WDR59: variants seen among roughly 807,000 people sequenced by gnomAD.
The protein encoded by WDR59 is GATOR2 complex protein WDR59.
WDR59 carries 100 observed loss-of-function variants against 131.2 expected under a neutral mutation model. The ratio of observed to expected loss-of-function variants is 0.76; its 90% CI spans 0.65 to 0.90. The LOEUF is 0.90. WDR59 is among the 40% of genes least tolerant of loss of function. The pLI, the probability that WDR59 is intolerant of heterozygous loss-of-function variation, is 0.00. For missense variants in WDR59, 1,203 were observed against 1,262.2 expected (o/e 0.95, Z 0.71); for synonymous variants, 601 against 466.2 (o/e 1.29, Z -3.72).
In WDR59 at chr16:74,909,366, C is replaced by T. The variant is rs568598381; in HGVS notation, c.1642+135G>A. On this transcript the variant is annotated intron_variant, in intron 16 of 25. Transcript: ENST00000262144. ...ACCGACTGGGCCTCAGACCCTACCACGCTACCATGAAAGTCTCGTTTGAGT... is the reference window on the plus strand; with the variant it reads ...ACCGACTGGGCCTCAGACCCTACCATGCTACCATGAAAGTCTCGTTTGAGT... 67 of 1,169,252 alleles carry T rather than the reference C, an allele frequency of 5.7e-5. No individual in the cohort carries two copies. In the Middle Eastern group the frequency reaches 9.1e-4, roughly 16 times the overall value. 72.4% of individuals were successfully genotyped at this position (1,169,252 alleles called of 1,614,324 possible).
intron 8 of WDR59, among the ~76,000 whole-genome samples, chr16:74,925,539 A>C (rs2030702725): frequency 1.9e-5 from 2 of 105,560 alleles, no homozygotes; most frequent in South Asian, 7.6e-4. Context: ...ACAAGACTCC[A>C]TCTCAAAAAA....
At chr16:74,891,052 T>C (rs143796037) in intron 20 of WDR59, among the ~76,000 whole-genome samples, 1,599 of 147,034 alleles carry the variant, frequency 0.011, 28 homozygotes, top group African/African-American at 0.038. Context: ...AGGCAGAGGT[T>C]GCAGTGAGCC....
chr16:74,909,501 C>G lies in WDR59; in HGVS notation c.1642G>C (p.Gly548Arg). ...RTSGARFCGA[G>R]YLVYFTRPMT... Reference sequence around the variant, plus strand: ...GAATCAAAGAACCAAAGAGACCCACCTGCTCCGCAGAACCTGGCCCCAGAA... The same window carrying G: ...GAATCAAAGAACCAAAGAGACCCACGTGCTCCGCAGAACCTGGCCCCAGAA... The change falls in exon 16 of 26, where the codon GGT becomes CGT. Residue 548 changes from glycine (G) to arginine (R), a missense_variant and splice_region_variant. Transcript: ENST00000262144. The G allele has an allele frequency of 6.4e-7, 1 of 1,563,036 alleles. No individual in the cohort carries two copies. Among genetic ancestry groups the G allele is most frequent in the Non-Finnish European group, 8.6e-7 (1 of 1,157,948 alleles).
chr16:74,895,209 C>A (rs1252390922), intron 18 of WDR59, among the ~76,000 whole-genome samples: 1 of 152,162 alleles, frequency 6.6e-6, no homozygotes, highest in Non-Finnish European at 1.5e-5. Context: ...TGTTTATCAT[C>A]ATTTGTAAAT....
chr16:74,890,482 G>C (rs1017783014), intron 20 of WDR59, among the ~76,000 whole-genome samples: 1 of 152,080 alleles, frequency 6.6e-6, no homozygotes, highest in African/African-American at 2.4e-5. Flanking sequence ...TGTTTCATCA[G>C]TAAGTTGGGT....
Position 74,985,040 on chromosome 16 carries a change from C to T in WDR59, c.-23G>A, listed in dbSNP as rs769673457. The T allele has an allele frequency of 8.5e-5, 133 of 1,558,560 alleles. No homozygotes were observed. The Admixed American group carries it at 2.5e-3, about 29-fold the overall frequency. Reference sequence around the variant, plus strand: ...CATCTCCCCCGCCCGGCCGCCGCGGCCCCAGGACGGCGCCCTCCCACCCCG... The same window carrying T: ...CATCTCCCCCGCCCGGCCGCCGCGGTCCCAGGACGGCGCCCTCCCACCCCG... On this transcript the variant is annotated 5_prime_UTR_variant, in exon 1 of 26. Coordinates refer to ENST00000262144, the MANE Select transcript of WDR59 (RefSeq NM_030581.4).
At position 74,891,526 on chromosome 16, in the gene WDR59, C is replaced by T. The variant is rs116468640; in HGVS notation, c.2082+958G>A. ...ACAATTTAGACGTGTTATTTCCTCA[C>T]TGATAATACACATTTCCTGAATGCC... On this transcript the variant is annotated intron_variant, in intron 20 of 25. Transcript: ENST00000262144. 4.1e-3 allele frequency among the ~76,000 whole-genome samples: 632 copies of T among 152,352 alleles called. 1 individual carries two copies. Among genetic ancestry groups the T allele is most frequent in the African/African-American group, 0.014 (599 of 41,592 alleles).
chr16:74,977,945 T>C (rs953116274), intron 1 of WDR59, among the ~76,000 whole-genome samples: 1 of 152,096 alleles, frequency 6.6e-6, no homozygotes, highest in African/African-American at 2.4e-5. Flanking sequence ...TGGTGGCTCA[T>C]GCCTGTAATC....
Position 74,931,914 on chromosome 16 carries a change from A to C in WDR59, c.651+6236T>G, listed in dbSNP as rs544885288. Among the ~76,000 whole-genome samples the C allele has an allele frequency of 6.6e-5, 10 of 152,170 alleles. No individual in the cohort carries two copies. In the South Asian group the frequency reaches 1.5e-3, roughly 22 times the overall value. On this transcript the variant is annotated intron_variant, in intron 8 of 25. Transcript: ENST00000262144. ...ACTTAGCTATTCCATTACAGTATCA[A>C]GGTAAATATGTTTAATATTTCTTTA... is the stretch of plus-strand genomic sequence containing the variant.
rs556294906 is a variant in WDR59, at chr16:74,951,988, G to GT, written c.241-446dup. On this transcript the variant is annotated intron_variant, in intron 3 of 25. Transcript: ENST00000262144. ...CAGAGTCCACCTACCACAGGTTTTT[G>GT]TTTTTTTTTTTTTCTTGAGATGGGA... 6.6e-3 allele frequency among the ~76,000 whole-genome samples: 940 copies of GT among 142,426 alleles called. 3 individuals are homozygous for GT. Among genetic ancestry groups the GT allele is most frequent in the Non-Finnish European group, 8.2e-3 (529 of 64,698 alleles). 93.4% of individuals were successfully genotyped at this position (142,426 alleles called of 152,430 possible). A position where few individuals can be genotyped will look rare whatever the true frequency, so the allele number is the denominator to read the frequency against.
chr16:74,929,592 T>A (rs539189266), intron 8 of WDR59, among the ~76,000 whole-genome samples: 3 of 152,266 alleles, frequency 2.0e-5, no homozygotes, highest in Non-Finnish European at 2.9e-5. Flanking sequence ...GAATGTAAAT[T>A]AGTACGGCCA....
At chr16:74,944,925 A>G (rs1042014212) in intron 6 of WDR59, among the ~76,000 whole-genome samples, 2 of 152,024 alleles carry the variant, frequency 1.3e-5, no homozygotes, top group Non-Finnish European at 2.9e-5. Flanking sequence ...GGAGTTAGAG[A>G]CCAGCCTGGC....
rs142393116 is a variant in WDR59, at chr16:74,958,648, A to C, written c.105-2038T>G. 9.1e-4 allele frequency among the ~76,000 whole-genome samples: 135 copies of C among 147,994 alleles called. 1 individual carries two copies. The highest frequency in any genetic ancestry group is 3.2e-3 in the African/African-American group (131 of 40,440). The stretch of plus-strand genomic sequence containing the variant: ...AGCTAAATAAAGCCAAAGTACATGG[A>C]GAGAGAAATGAGTGTGAAGCAAGTT... On this transcript the variant is annotated intron_variant, in intron 2 of 25. Transcript: ENST00000262144.
intron 3 of WDR59, among the ~76,000 whole-genome samples, chr16:74,953,252 G>A (rs1235044130): frequency 6.6e-6 from 1 of 151,792 alleles, no homozygotes; most frequent in Non-Finnish European, 1.5e-5. Flanking sequence ...CAGGGGGATC[G>A]CTTGAGGTGA....
chr16:74,889,143 C>A (rs946315200), intron 21 of WDR59, among the ~76,000 whole-genome samples: 3 of 152,208 alleles, frequency 2.0e-5, no homozygotes, highest in Admixed American at 6.5e-5. Context: ...AAGTCAGGAG[C>A]GTTTCTCTCC....
At chr16:74,978,474 G>C (rs776799687) in intron 1 of WDR59, among the ~76,000 whole-genome samples, 3 of 152,178 alleles carry the variant, frequency 2.0e-5, no homozygotes, top group Non-Finnish European at 4.4e-5. Flanking sequence ...CTGGGCAACT[G>C]AGAAAGATTC....
At chr16:74,954,537 G>A (rs2033183535) in intron 3 of WDR59, among the ~76,000 whole-genome samples, 1 of 152,186 alleles carries the variant, frequency 6.6e-6, no homozygotes, top group Non-Finnish European at 1.5e-5. Context: ...GGAACTCTGT[G>A]CATTGCTGAT....
chr16:74,984,283 A>G (rs1390115478), intron 1 of WDR59, among the ~76,000 whole-genome samples: 31 of 152,164 alleles, frequency 2.0e-4, no homozygotes, highest in Non-Finnish European at 1.0e-4. Context: ...TCTCAAAAAA[A>G]ATAAATTAAA....
At chr16:74,875,037 C>T (rs931347006) in intron 25 of WDR59, among the ~76,000 whole-genome samples, 14 of 152,210 alleles carry the variant, frequency 9.2e-5, no homozygotes, top group African/African-American at 3.1e-4. Flanking sequence ...CTTCCCACCC[C>T]GACGGCTGGC....
Sources: gnomAD v4.1 joint callset for allele counts (sites outside exome capture counted in the v4.1 genomes callset) on GRCh38, gnomAD v4.1.1 for gene constraint, MANE v1.5 for transcripts, NCBI Gene and HGNC (gene_info 2026-07-23, HGNC 2026-07-21) for gene names.